PNPLA7: variants seen among roughly 807,000 people sequenced by gnomAD.
PNPLA7 encodes patatin-like phospholipase domain-containing protein 7.
PNPLA7 carries 153 observed loss-of-function variants against 161.7 expected under a neutral mutation model. The ratio of observed to expected loss-of-function variants is 0.95; its 90% CI spans 0.83 to 1.08. The LOEUF is 1.08. Among genes scored for constraint, PNPLA7 ranks in the 50% least tolerant of loss-of-function variants. PNPLA7 has a pLI of 0.00. For missense variants in PNPLA7, 1,739 were observed against 1,856.6 expected, an observed-to-expected ratio of 0.94 and a Z score of 1.16; for synonymous variants, 809 against 782.1, an observed-to-expected ratio of 1.03 and a Z score of -0.57.
chr9:137,542,884 C>A, intron 6 of PNPLA7, 83 bp from the exon 7 acceptor site: 1 of 1,451,726 alleles, frequency 6.9e-7, no homozygotes, highest in Non-Finnish European at 9.4e-7. Flanking sequence ...CACACGGTCA[C>A]TGACCCCACT....
At position 137,509,520 on chromosome 9, in the gene PNPLA7, A is replaced by G. The variant is rs369654822; in HGVS notation, c.1226-3437T>C. The G allele has an allele frequency of 7.3e-4, 188 of 257,118 alleles. 2 individuals are homozygous for G. The highest frequency in any genetic ancestry group is 6.0e-3 in the South Asian group (155 of 25,876). 15.9% of individuals were successfully genotyped at this position (257,118 alleles called of 1,614,324 possible). A position where few individuals can be genotyped will look rare whatever the true frequency, so the allele number is the denominator to read the frequency against. ...GCCGGCGTGAGTGAGTTTAGCTGGC[A>G]TGAGTGAGTTTAGCTGGTACGAATG... On this transcript the variant is annotated intron_variant, in intron 12 of 34. Coordinates refer to ENST00000406427, the MANE Select transcript of PNPLA7 (RefSeq NM_001098537.3).
At chr9:137,515,627 A>T in intron 11 of PNPLA7, 108 bp from the exon 12 acceptor site, 1 of 1,338,940 alleles carries the variant, frequency 7.5e-7, no homozygotes, top group Non-Finnish European at 9.8e-7. Context: ...TGCCCTGCGC[A>T]CCTGAACGCG....
At chr9:137,502,764 T>G (rs2132306763) in intron 14 of PNPLA7, among the ~76,000 whole-genome samples, 2 of 39,198 alleles carry the variant, frequency 5.1e-5, no homozygotes, top group Admixed American at 3.5e-4. Context: ...CCGGCCACGG[T>G]GACATGGACG....
In PNPLA7 at chr9:137,523,133, C is replaced by A. The variant is rs61729741; in HGVS notation, c.748-276G>T. ...CCACCCCACCAGACCTGGGCACTCA[C>A]CATGGGGAGTTCCAACCACTCCCAC... On this transcript the variant is annotated intron_variant, in intron 8 of 34. Coordinates refer to ENST00000406427, the MANE Select transcript of PNPLA7 (RefSeq NM_001098537.3). This position sits in a 1 kb window ranked among gnomAD's most constrained non-coding sequence, Gnocchi z 4.4. 8.9e-3 allele frequency among the ~76,000 whole-genome samples: 1,353 copies of A among 152,308 alleles called. 18 individuals carry two copies. Among genetic ancestry groups the A allele is most frequent in the African/African-American group, 0.031 (1,279 of 41,562 alleles).
rs925739144 is a variant in PNPLA7, at chr9:137,505,841, G to A, written c.1327-81C>T. ...ACAAGGGTGTGGTCAGGTCTGAATC[G>A]CACAGTGCGGAAAGGCCGGCTGAGC... On this transcript the variant is annotated intron_variant, in intron 13 of 34. Transcript: ENST00000406427. 2.5e-5 allele frequency: 39 copies of A among 1,569,290 alleles called. No homozygotes were observed. In the African/African-American group the frequency reaches 3.0e-4, roughly 12 times the overall value.
intron 8 of PNPLA7, 45 bp from the exon 9 acceptor site, chr9:137,522,902 A>AC (rs759679805): frequency 1.2e-6 from 2 of 1,601,228 alleles, no homozygotes; most frequent in Non-Finnish European, 1.7e-6. Flanking sequence ...GGCCTGGCCA[A>AC]CCCCCCAGGG....
At chr9:137,539,992 G>C (rs768003368) in intron 8 of PNPLA7, among the ~76,000 whole-genome samples, 5 of 152,214 alleles carry the variant, frequency 3.3e-5, no homozygotes, top group Non-Finnish European at 5.9e-5. Context: ...CACCACGTTG[G>C]CCAGGCTGGT....
intron 8 of PNPLA7, among the ~76,000 whole-genome samples, chr9:137,535,142 T>C (rs1835817738): frequency 6.6e-6 from 1 of 151,970 alleles, no homozygotes; most frequent in Non-Finnish European, 1.5e-5. Context: ...GTACAGCTGG[T>C]AGCTGAGCCT....
At chr9:137,472,757 C>A (rs1304049122) in intron 25 of PNPLA7, among the ~76,000 whole-genome samples, 1 of 151,382 alleles carries the variant, frequency 6.6e-6, no homozygotes, top group African/African-American at 2.4e-5. Flanking sequence ...GAGTTTGAGA[C>A]CAGCCTGACC....
intron 25 of PNPLA7, among the ~76,000 whole-genome samples, chr9:137,474,496 C>T (rs988736949): frequency 5.3e-5 from 8 of 152,252 alleles, no homozygotes; most frequent in Admixed American, 2.0e-4. Flanking sequence ...ACAAGGAAGG[C>T]GACGAGCATT....
At chr9:137,542,506 G>A (rs1412435969) in intron 7 of PNPLA7, 136 bp downstream of exon 7, 22 of 997,744 alleles carry the variant, frequency 2.2e-5, no homozygotes, top group Admixed American at 3.1e-5. Context: ...AAATAAAAAC[G>A]GTGAGTTTTC....
At position 137,467,460 on chromosome 9, in the gene PNPLA7, C is replaced by T; in HGVS notation, c.2896G>A (p.Val966Met). The change falls in exon 26 of 35, where the codon GTG becomes ATG. Residue 966 changes from valine to methionine, a missense_variant. Transcript: ENST00000406427. The surrounding 1 kb of genome is among the most constrained non-coding windows in gnomAD (Gnocchi z 5.1). Reference sequence around the variant, plus strand: ...TCCGCCAAGGCCTTGAGAACGCCCACCTGGGCACAGCCTCTACACCAGCCA... The same window carrying T: ...TCCGCCAAGGCCTTGAGAACGCCCATCTGGGCACAGCCTCTACACCAGCCA... The part of the protein sequence containing the change: ...GGGGARGCAQ[V>M]GVLKALAECG... 1 of 1,613,064 alleles carries T rather than the reference C, an allele frequency of 6.2e-7. No individual in the cohort carries two copies. Among genetic ancestry groups the T allele is most frequent in the Non-Finnish European group, 8.5e-7 (1 of 1,179,980 alleles).
chr9:137,522,674 GC>G (rs1564350529), intron 9 of PNPLA7, 54 bp downstream of exon 9: 4 of 1,595,488 alleles, frequency 2.5e-6, no homozygotes, highest in East Asian at 2.2e-5. Context: ...CAGTGCCCAG[GC>G]CCCCCCAGGG....
At chr9:137,506,290 G>A (rs775160686) in intron 12 of PNPLA7, among the ~76,000 whole-genome samples, 32 of 152,188 alleles carry the variant, frequency 2.1e-4, no homozygotes, top group Non-Finnish European at 4.3e-4. Context: ...GGTTTTCTCC[G>A]CAGCTTAAAC....
intron 20 of PNPLA7, 74 bp downstream of exon 20, chr9:137,492,939 A>G (rs1415453534): frequency 1.2e-5 from 12 of 1,009,930 alleles, no homozygotes; most frequent in Non-Finnish European, 1.4e-5. Context: ...GGGCGGGGCC[A>G]TGGGCTGGGT....
intron 12 of PNPLA7, among the ~76,000 whole-genome samples, chr9:137,508,491 CCA>C (rs1417654707): frequency 1.3e-5 from 2 of 151,914 alleles, no homozygotes; most frequent in Admixed American, 6.6e-5. Flanking sequence ...TGCTTGAACC[CCA>C]GAGATGGAGC....
rs939159936 is a variant in PNPLA7 at position 137,496,572 on chromosome 9, G to A, written c.2013+615C>T. The stretch of plus-strand genomic sequence containing the variant: ...ACTAAAAATACAAAATTAGCCGGGC[G>A]TGGTGGCGCACACCTTTAATCCCAG... On this transcript the variant is annotated intron_variant, in intron 18 of 34. Transcript: ENST00000406427. Among the ~76,000 whole-genome samples, 11 of 152,202 alleles carry A rather than the reference G, an allele frequency of 7.2e-5. No homozygotes were observed. The South Asian group carries it at 1.5e-3, about 20-fold the overall frequency.
chr9:137,462,329 C>A lies in PNPLA7; in HGVS notation c.3495G>T (p.Val1165=). The A allele has an allele frequency of 1.3e-6, 2 of 1,596,988 alleles. No homozygotes were observed. Among genetic ancestry groups the A allele is most frequent in the Non-Finnish European group, 8.5e-7 (1 of 1,170,986 alleles). ...GCGTCTGAATCTCTGCCATGTTCAA[C>A]ACCTGCTGCCGTCACAGCCGCCTGA... ...RWNPLATKVK[V]LNMAEIQTRL... Residue 1165 remains valine (V), a splice_region_variant and synonymous_variant, in exon 31 of 35, where the codon GTG becomes GTT. Transcript: ENST00000406427.
intron 18 of PNPLA7, 25 bp downstream of exon 18, chr9:137,497,162 G>A: frequency 1.3e-6 from 2 of 1,524,774 alleles, no homozygotes; most frequent in Non-Finnish European, 1.8e-6. Flanking sequence ...AGGTGGGGGA[G>A]GCAGGAGCAG....
Sources: allele counts gnomAD v4.1 joint callset (sites outside exome capture counted in the v4.1 genomes callset), GRCh38; gene constraint gnomAD v4.1.1; non-coding constraint Gnocchi (gnomAD v3.1); transcripts MANE v1.5; gene names NCBI Gene and HGNC (gene_info 2026-07-23, HGNC 2026-07-21).